The following SULT1E1 variants were observed in gnomAD, a reference collection of about 807,000 sequenced individuals.
SULT1E1 encodes sulfotransferase family 1E member 1.
A neutral mutation model predicts 33.6 loss-of-function variants in SULT1E1; 36 were observed. That is an observed-to-expected ratio of 1.07 (90% CI 0.82 to 1.41). The LOEUF is 1.41. Ranked by LOEUF, SULT1E1 falls within the 40% of genes most tolerant of loss-of-function variation. The pLI is 0.00. For synonymous variants in SULT1E1, 121 were observed against 111.7 expected, an observed-to-expected ratio of 1.08 and a Z score of -0.53; for missense variants, 371 against 345.7, an observed-to-expected ratio of 1.07 and a Z score of -0.58.
At chr4:69,831,326 C>T in the SULT1E1 span, among the ~76,000 whole-genome samples, 4 of 152,144 alleles carry the variant, frequency 2.6e-5, no homozygotes, top group African/African-American at 9.7e-5. Context: ...GCTGCTTGGG[C>T]CACTAGTGTC....
chr4:69,842,496 T>C lies in SULT1E1; in HGVS notation c.773-390A>G, dbSNP rs1232342716. On this transcript the variant is annotated intron_variant, in intron 7 of 7. Coordinates refer to ENST00000226444, the MANE Select transcript of SULT1E1 (RefSeq NM_005420.3). ...TTTATATACAACTGCCTACATGATT[T>C]TGCCACCTGAAAAATGTCCAAATTT... Among the ~76,000 whole-genome samples the C allele has an allele frequency of 2.6e-5, 4 of 152,314 alleles. No individual in the cohort carries two copies. In the East Asian group the frequency reaches 7.7e-4, roughly 29 times the overall value.
chr4:69,822,509 G>A, the SULT1E1 span, among the ~76,000 whole-genome samples: 1 of 152,180 alleles, frequency 6.6e-6, no homozygotes, highest in East Asian at 1.9e-4. Context: ...TCGGGAGACT[G>A]AGAGGCTTAG....
chr4:69,821,587 T>C, the SULT1E1 span, among the ~76,000 whole-genome samples: 2 of 152,192 alleles, frequency 1.3e-5, no homozygotes, highest in African/African-American at 4.8e-5. Flanking sequence ...TCAATGAAGA[T>C]CCATGGCCAT....
chr4:69,849,051 C>G lies in SULT1E1; in HGVS notation c.496+386G>C, dbSNP rs149111533. 41 of 153,402 alleles carry G rather than the reference C, an allele frequency of 2.7e-4. 1 individual carries two copies. Among genetic ancestry groups the G allele is most frequent in the Admixed American group, 6.5e-4 (10 of 15,416 alleles). The allele number at this position is 153,402 out of a possible 1,614,324, so 9.5% of individuals were successfully genotyped here. A position where few individuals can be genotyped will look rare whatever the true frequency, so the allele number is the denominator to read the frequency against. On this transcript the variant is annotated intron_variant, in intron 5 of 7. Coordinates refer to ENST00000226444, the MANE Select transcript of SULT1E1 (RefSeq NM_005420.3). ...TTTATTGGAAATAAGTGAACATTCT[C>G]TCTTCTCTAATCTCTCCCCAACCCA...
downstream of SULT1E1, among the ~76,000 whole-genome samples, chr4:69,836,656 C>A (rs1720803457): frequency 6.6e-6 from 1 of 152,158 alleles, no homozygotes; most frequent in African/African-American, 2.4e-5. Context: ...AATAAATCTT[C>A]TTGCTTGTTT....
At chr4:69,842,212 T>A in intron 7 of SULT1E1, 106 bp from the exon 8 acceptor site, 1 of 661,974 alleles carries the variant, frequency 1.5e-6, no homozygotes, top group South Asian at 1.8e-5. Flanking sequence ...ATTATACTTG[T>A]AATTCTCAAT....
At position 69,841,673 on chromosome 4, in the gene SULT1E1, CA is replaced by C. The variant is rs976550394; in HGVS notation, c.*320del. The C allele has an allele frequency of 5.5e-5, 10 of 182,068 alleles. No individual in the cohort carries two copies. In the South Asian group the frequency reaches 8.0e-4, roughly 15 times the overall value. 11.3% of individuals were successfully genotyped at this position (182,068 alleles called of 1,614,324 possible). ...ACAATATAATAAGACCTCATCTCTA[CA>C]AAAAAACATTAAAAAAATTAGCCAA... On this transcript the variant is annotated 3_prime_UTR_variant, in exon 8 of 8. Coordinates refer to ENST00000226444, the MANE Select transcript of SULT1E1 (RefSeq NM_005420.3).
At chr4:69,823,454 G>T in the SULT1E1 span, among the ~76,000 whole-genome samples, 13 of 152,160 alleles carry the variant, frequency 8.5e-5, no homozygotes, top group Non-Finnish European at 1.5e-4. Flanking sequence ...CATAGTTAAG[G>T]CTTCCTCTTT....
chr4:69,833,847 A>G, the SULT1E1 span, among the ~76,000 whole-genome samples: 1 of 152,130 alleles, frequency 6.6e-6, no homozygotes, highest in Admixed American at 6.5e-5. Flanking sequence ...CTCCACTATC[A>G]TTTGCAAATA....
downstream of SULT1E1, among the ~76,000 whole-genome samples, chr4:69,838,796 G>A (rs552434571): frequency 6.6e-6 from 1 of 152,256 alleles, no homozygotes; most frequent in African/African-American, 2.4e-5. Flanking sequence ...GGAATTACCT[G>A]GCTGAGGTAG....
chr4:69,830,863 A>G, the SULT1E1 span, among the ~76,000 whole-genome samples: 4 of 152,216 alleles, frequency 2.6e-5, no homozygotes, highest in African/African-American at 9.6e-5. Flanking sequence ...TGATGCTTCC[A>G]GTTCATGAGA....
chr4:69,832,630 T>G, the SULT1E1 span, among the ~76,000 whole-genome samples: 1 of 152,182 alleles, frequency 6.6e-6, no homozygotes, highest in Admixed American at 6.5e-5. Context: ...ATGGTCATTA[T>G]CTGGGTTAGT....
chr4:69,848,502 T>C (rs2110068619), intron 5 of SULT1E1, among the ~76,000 whole-genome samples: 1 of 152,082 alleles, frequency 6.6e-6, no homozygotes, highest in Middle Eastern at 3.4e-3. Flanking sequence ...CTCTGTTCTT[T>C]GACTCCATTA....
the SULT1E1 span, among the ~76,000 whole-genome samples, chr4:69,821,913 C>T: frequency 2.0e-5 from 3 of 152,154 alleles, no homozygotes; most frequent in South Asian, 2.1e-4. Flanking sequence ...ATAATTAAAT[C>T]AACAGATATT....
chr4:69,828,939 G>C, the SULT1E1 span, among the ~76,000 whole-genome samples: 1 of 152,214 alleles, frequency 6.6e-6, no homozygotes, highest in Non-Finnish European at 1.5e-5. Flanking sequence ...GTGAGGTGCA[G>C]TCTTTAAGAT....
chr4:69,831,979 C>A, the SULT1E1 span, among the ~76,000 whole-genome samples: 3 of 152,284 alleles, frequency 2.0e-5, no homozygotes, highest in East Asian at 5.8e-4. Context: ...ACTTAGCAAT[C>A]CTCTCTCACA....
chr4:69,854,362 A>G (rs1218346260), intron 3 of SULT1E1, 48 bp from the exon 4 acceptor site: 1 of 1,115,084 alleles, frequency 9.0e-7, no homozygotes, highest in Non-Finnish European at 1.3e-6. Context: ...AATTGTAACT[A>G]TTTATGTGGA....
chr4:69,854,185 A>G, intron 4 of SULT1E1, 32 bp downstream of exon 4: 1 of 1,514,204 alleles, frequency 6.6e-7, no homozygotes, highest in Non-Finnish European at 9.1e-7. Flanking sequence ...TTGGAATTGG[A>G]TGAAGTTTTG....
At chr4:69,829,002 G>A in the SULT1E1 span, among the ~76,000 whole-genome samples, 5 of 152,278 alleles carry the variant, frequency 3.3e-5, no homozygotes, top group East Asian at 9.7e-4. Flanking sequence ...ATCCCTGTGG[G>A]AGTCTTGTCC....
Sources: gnomAD v4.1 joint callset for allele counts (sites outside exome capture counted in the v4.1 genomes callset) on GRCh38, gnomAD v4.1.1 for gene constraint, MANE v1.5 for transcripts, NCBI Gene and HGNC (gene_info 2026-07-23, HGNC 2026-07-21) for gene names.